The following SEMA3A variants were observed in gnomAD, a reference collection of about 807,000 sequenced individuals.
SEMA3A encodes the protein semaphorin-3A.
A neutral mutation model predicts 97.9 loss-of-function variants in SEMA3A; 29 were observed. The observed-to-expected ratio is 0.30, with a 90% CI of 0.22 to 0.40. SEMA3A has a LOEUF of 0.40. Ranked by LOEUF, SEMA3A falls within the 10% of genes least tolerant of loss-of-function variation. The pLI, the probability that SEMA3A is intolerant of heterozygous loss-of-function variation, is 1.00. For synonymous variants in SEMA3A, 321 were observed against 323.7 expected, an observed-to-expected ratio of 0.99 and a Z score of 0.09; for missense variants, 763 against 951.3, an observed-to-expected ratio of 0.80 and a Z score of 2.60.
At chr7:84,071,368 C>T (rs1793732818) in intron 4 of SEMA3A, among the ~76,000 whole-genome samples, 1 of 152,050 alleles carries the variant, frequency 6.6e-6, no homozygotes, top group Non-Finnish European at 1.5e-5. Context: ...AGATCACAAT[C>T]ATACTAGAAA....
chr7:84,205,304 G>C (rs1238273992), intron 3 of SEMA3A, among the ~76,000 whole-genome samples: 1 of 152,064 alleles, frequency 6.6e-6, no homozygotes, highest in African/African-American at 2.4e-5. Flanking sequence ...AGAACACTAG[G>C]GAATCCTGAT....
chr7:84,439,462 T>C (rs1228949), intron 1 of SEMA3A, among the ~76,000 whole-genome samples: 26,933 of 152,204 alleles, frequency 0.18, 2,524 homozygotes, highest in Middle Eastern at 0.24. Context: ...TTATTTACAG[T>C]GTTTCTATTA....
chr7:84,207,841 C>A (rs13230138), intron 3 of SEMA3A, among the ~76,000 whole-genome samples: 10,089 of 152,104 alleles, frequency 0.066, 382 homozygotes, highest in African/African-American at 0.093. Context: ...TAAAGAAAGA[C>A]TGCTGTGAGA....
chr7:84,359,760 T>C (rs1196089207), intron 2 of SEMA3A, among the ~76,000 whole-genome samples: 1 of 152,204 alleles, frequency 6.6e-6, no homozygotes. Context: ...TGTGAATCCA[T>C]CTGGTTCTGG....
chr7:84,036,900 T>C (rs1388459452), intron 6 of SEMA3A, among the ~76,000 whole-genome samples: 1 of 152,150 alleles, frequency 6.6e-6, no homozygotes, highest in African/African-American at 2.4e-5. Flanking sequence ...ATGTATCACC[T>C]GTAACTTGCA....
intron 6 of SEMA3A, among the ~76,000 whole-genome samples, chr7:84,033,102 A>G (rs1191414653): frequency 6.6e-6 from 1 of 152,142 alleles, no homozygotes; most frequent in Non-Finnish European, 1.5e-5. Flanking sequence ...ACTATTTATT[A>G]TTTAAAATAC....
intron 1 of SEMA3A, among the ~76,000 whole-genome samples, chr7:84,163,237 C>T (rs181820576): frequency 1.3e-4 from 20 of 152,110 alleles, no homozygotes; most frequent in Non-Finnish European, 2.8e-4. Context: ...ATTATAGTTC[C>T]AATAAATTAT....
At chr7:84,405,691 C>G (rs1407738939) in intron 1 of SEMA3A, among the ~76,000 whole-genome samples, 1 of 152,292 alleles carries the variant, frequency 6.6e-6, no homozygotes, top group East Asian at 1.9e-4. Flanking sequence ...TTATAGCAAA[C>G]TGTCTCTCAG....
chr7:84,134,944 C>T lies in SEMA3A; in HGVS notation c.120G>A (p.Leu40=). Residue 40 remains leucine (L), a synonymous_variant, in exon 2 of 17, where the codon TTG becomes TTA. Transcript: ENST00000265362. ...PRLKLSYKEM[L]ESNNVITFNG... is the part of the protein sequence containing the mutation. ...TGAAAGTGATCACATTGTTGGATTC[C>T]AACATTTCTGCAAGGTAACAAAGCA... 1 of 1,612,028 alleles carries T rather than the reference C, an allele frequency of 6.2e-7. No homozygotes were observed. Among genetic ancestry groups the T allele is most frequent in the South Asian group, 1.1e-5 (1 of 90,674 alleles).
chr7:84,472,063 G>C (rs1299390647), intron 1 of SEMA3A, among the ~76,000 whole-genome samples: 1 of 151,756 alleles, frequency 6.6e-6, no homozygotes, highest in African/African-American at 2.4e-5. Context: ...TATCTCTGAG[G>C]ATTACTTAAC....
At chr7:84,294,297 C>A (rs1213293761) in intron 3 of SEMA3A, among the ~76,000 whole-genome samples, 1 of 152,056 alleles carries the variant, frequency 6.6e-6, no homozygotes, top group Non-Finnish European at 1.5e-5. Context: ...GGCTTCCCCA[C>A]TTTTAATTTT....
At chr7:84,405,082 TA>T (rs1334949454) in intron 1 of SEMA3A, among the ~76,000 whole-genome samples, 1 of 152,068 alleles carries the variant, frequency 6.6e-6, no homozygotes, top group Admixed American at 6.5e-5. Context: ...ATGCTCCAAT[TA>T]AAAGGCACAT....
Position 84,136,256 on chromosome 7 carries a change from C to T in SEMA3A, c.113-1305G>A, listed in dbSNP as rs141671693. 6.4e-3 allele frequency among the ~76,000 whole-genome samples: 976 copies of T among 152,266 alleles called. 5 individuals carry two copies. The highest frequency in any genetic ancestry group is 0.022 in the African/African-American group (911 of 41,550). On this transcript the variant is annotated intron_variant, in intron 1 of 16. Coordinates refer to ENST00000265362, the MANE Select transcript of SEMA3A (RefSeq NM_006080.3). The stretch of plus-strand genomic sequence containing the variant: ...AATGTAGACCTGTCCTCTGTTCCAG[C>T]TATTAACATCAGGAAACATATATTA...
intron 1 of SEMA3A, among the ~76,000 whole-genome samples, chr7:84,190,116 C>T (rs751353451): frequency 2.2e-4 from 33 of 151,528 alleles, no homozygotes; most frequent in African/African-American, 3.4e-4. Flanking sequence ...ATTTGTTTTG[C>T]GGTCTCAGTT....
At chr7:84,117,037 T>C (rs2115968163) in intron 3 of SEMA3A, among the ~76,000 whole-genome samples, 1 of 152,330 alleles carries the variant, frequency 6.6e-6, no homozygotes, top group Middle Eastern at 3.4e-3. Context: ...CAACTTTGGA[T>C]CTTCTGCTTT....
At chr7:84,406,883 T>A (rs1219942169) in intron 1 of SEMA3A, among the ~76,000 whole-genome samples, 2 of 152,132 alleles carry the variant, frequency 1.3e-5, no homozygotes, top group Non-Finnish European at 2.9e-5. Context: ...AATAAATAGG[T>A]ATTGATGGGA....
At chr7:84,155,482 G>C (rs1796817611) in intron 1 of SEMA3A, among the ~76,000 whole-genome samples, 1 of 152,084 alleles carries the variant, frequency 6.6e-6, no homozygotes, top group African/African-American at 2.4e-5. Context: ...TTTGACCTCA[G>C]ATAGGCCATC....
chr7:84,306,874 A>G (rs1801169849), intron 3 of SEMA3A, among the ~76,000 whole-genome samples: 1 of 152,166 alleles, frequency 6.6e-6, no homozygotes, highest in African/African-American at 2.4e-5. Context: ...ATATGCTCAC[A>G]TTCCAGCTAT....
At chr7:84,465,331 CT>C (rs1805962113) in intron 1 of SEMA3A, among the ~76,000 whole-genome samples, 1 of 152,036 alleles carries the variant, frequency 6.6e-6, no homozygotes, top group South Asian at 2.1e-4. Flanking sequence ...ATTTTTTTCT[CT>C]TGTATATGTT....
Sources: gnomAD v4.1 joint callset for allele counts (sites outside exome capture counted in the v4.1 genomes callset) on GRCh38, gnomAD v4.1.1 for gene constraint, MANE v1.5 for transcripts, NCBI Gene and HGNC (gene_info 2026-07-23, HGNC 2026-07-21) for gene names.